Variants in DOC2B observed in about 807,000 individuals in gnomAD.
DOC2B encodes the protein double C2-like domain-containing protein beta.
A neutral mutation model predicts 28.9 loss-of-function variants in DOC2B; 21 were observed. That is an observed-to-expected ratio of 0.73 (90% CI 0.52 to 1.05). The LOEUF is 1.05. Among genes scored for constraint, DOC2B ranks in the 50% least tolerant of loss-of-function variants. The probability of loss-of-function intolerance (pLI) is 0.00; values close to 1 mark genes in which losing one functional copy is unlikely to be tolerated. For synonymous variants in DOC2B, 194 were observed against 178.1 expected, an observed-to-expected ratio of 1.09 and a Z score of -0.71; for missense variants, 384 against 421.1, an observed-to-expected ratio of 0.91 and a Z score of 0.77.
chr17:161,960 T>C, intron 4 of DOC2B, 121 bp downstream of exon 4: 1 of 713,288 alleles, frequency 1.4e-6, no homozygotes, highest in Non-Finnish European at 2.4e-6. Context: ...CAAGCTGGAG[T>C]TGCTGGCATG....
intron 2 of DOC2B, among the ~76,000 whole-genome samples, chr17:170,670 G>C (rs2040302006): frequency 6.6e-6 from 1 of 152,184 alleles, no homozygotes; most frequent in South Asian, 2.1e-4. Context: ...TCCTCCCACA[G>C]GGAGCAATGG....
chr17:158,040 T>C (rs1235512535), intron 5 of DOC2B, among the ~76,000 whole-genome samples: 1 of 152,178 alleles, frequency 6.6e-6, no homozygotes, highest in Non-Finnish European at 1.5e-5. Context: ...GACAGAGTTC[T>C]GGTACATTCC....
chr17:176,512 A>C (rs967227466), intron 1 of DOC2B, among the ~76,000 whole-genome samples: 1 of 152,030 alleles, frequency 6.6e-6, no homozygotes, highest in Non-Finnish European at 1.5e-5. Flanking sequence ...CACACGGGCC[A>C]CTCTGCCCTG....
chr17:159,228 T>C (rs2040171578), intron 5 of DOC2B, among the ~76,000 whole-genome samples: 1 of 152,080 alleles, frequency 6.6e-6, no homozygotes. Flanking sequence ...CAGGGGCTCA[T>C]GCCTGTAATC....
chr17:145,313 A>C lies in DOC2B; in HGVS notation c.*2128T>G, dbSNP rs2040011161. 1 of 152,380 alleles carries C rather than the reference A, an allele frequency of 6.6e-6. No individual in the cohort carries two copies. The highest frequency in any genetic ancestry group is 2.1e-4 in the South Asian group (1 of 4,820). 9.4% of individuals were successfully genotyped at this position (152,380 alleles called of 1,614,324 possible). A position where few individuals can be genotyped will look rare whatever the true frequency, so the allele number is the denominator to read the frequency against. Reference sequence around the variant, plus strand: ...GAAGGGACTGGGGGTACCGACCCCCAGAGAGAGAAAGCGGCAGTCAGAGGA... The same window carrying C: ...GAAGGGACTGGGGGTACCGACCCCCCGAGAGAGAAAGCGGCAGTCAGAGGA... On this transcript the variant is annotated 3_prime_UTR_variant, in exon 9 of 9. Coordinates refer to ENST00000613549, the MANE Select transcript of DOC2B (RefSeq NM_003585.5).
intron 1 of DOC2B, among the ~76,000 whole-genome samples, chr17:174,650 G>T (rs1370057352): frequency 6.6e-6 from 1 of 152,194 alleles, no homozygotes; most frequent in Non-Finnish European, 1.5e-5. Context: ...GAGGGTCCCG[G>T]GTGGCCCTCT....
At chr17:180,815 AG>A (rs2040432096) in intron 1 of DOC2B, among the ~76,000 whole-genome samples, 1 of 151,690 alleles carries the variant, frequency 6.6e-6, no homozygotes, top group Non-Finnish European at 1.5e-5. Flanking sequence ...GCTGGCAGGG[AG>A]GGGGCGCGGC....
Position 148,319 on chromosome 17 carries a change from G to A in DOC2B, c.1006-50C>T, listed in dbSNP as rs955882357. On this transcript the variant is annotated intron_variant, in intron 7 of 8. Coordinates refer to ENST00000613549, the MANE Select transcript of DOC2B (RefSeq NM_003585.5). The stretch of plus-strand genomic sequence containing the variant: ...GGCTGATGCCTGGGCCTGGGCCTCC[G>A]CCGGGGGCCAGGAGGGGTATGAGGT... 1.8e-5 allele frequency: 7 copies of A among 398,536 alleles called. No homozygotes were observed. In the East Asian group the frequency reaches 1.8e-4, roughly 10 times the overall value. The allele number at this position is 398,536 out of a possible 1,614,324, so 24.7% of individuals were successfully genotyped here.
chr17:173,460 G>C (rs901881886), intron 1 of DOC2B, among the ~76,000 whole-genome samples: 1 of 152,210 alleles, frequency 6.6e-6, no homozygotes, highest in Admixed American at 6.5e-5. Context: ...CTGCTCCCAG[G>C]CTGCAGGGCT....
At chr17:163,928 G>T (rs562872131) in intron 3 of DOC2B, among the ~76,000 whole-genome samples, 10 of 152,230 alleles carry the variant, frequency 6.6e-5, no homozygotes, top group Non-Finnish European at 1.5e-4. Context: ...AGGCAACAGG[G>T]TGTGGGGCAG....
In DOC2B at chr17:149,436, G is replaced by A. The variant is rs2040049101; in HGVS notation, c.924-244C>T. Among the ~76,000 whole-genome samples, 5 of 152,226 alleles carry A rather than the reference G, an allele frequency of 3.3e-5. 1 individual carries two copies. The East Asian group carries it at 7.7e-4, about 24-fold the overall frequency. ...CACACATTCCTGAAGTTAACCCTGG[G>A]GGGCGCCCTCCATCCCCCTAGGAAA... On this transcript the variant is annotated intron_variant, in intron 6 of 8. Coordinates refer to ENST00000613549, the MANE Select transcript of DOC2B (RefSeq NM_003585.5).
At chr17:174,881 G>C (rs1052644743) in intron 1 of DOC2B, among the ~76,000 whole-genome samples, 3 of 152,218 alleles carry the variant, frequency 2.0e-5, no homozygotes, top group Non-Finnish European at 4.4e-5. Flanking sequence ...CAGTTTGGGA[G>C]GCCGAAGCAG....
Position 143,832 on chromosome 17 carries a change from T to C in DOC2B, c.*3609A>G, listed in dbSNP as rs2040000204. The C allele has an allele frequency of 6.6e-6, 1 of 152,088 alleles. No homozygotes were observed. The highest frequency in any genetic ancestry group is 2.1e-4 in the South Asian group (1 of 4,816). 9.4% of individuals were successfully genotyped at this position (152,088 alleles called of 1,614,324 possible). A position where few individuals can be genotyped will look rare whatever the true frequency, so the allele number is the denominator to read the frequency against. ...GGGACTGCAGTTTGAGGACAGTGTC[T>C]GCAGCCGTCACATGGCAGCAAAACG... On this transcript the variant is annotated 3_prime_UTR_variant, in exon 9 of 9. Coordinates refer to ENST00000613549, the MANE Select transcript of DOC2B (RefSeq NM_003585.5).
At position 143,013 on chromosome 17, in the gene DOC2B, G is replaced by C. The variant is rs1189958574; in HGVS notation, c.*4428C>G. On this transcript the variant is annotated 3_prime_UTR_variant, in exon 9 of 9. Coordinates refer to ENST00000613549, the MANE Select transcript of DOC2B (RefSeq NM_003585.5). Reference sequence around the variant, plus strand: ...CATGTCTTAAATTACCTTCCAAAACGTAAGACTCTTGGAGCCTCAGACGGG... The same window carrying C: ...CATGTCTTAAATTACCTTCCAAAACCTAAGACTCTTGGAGCCTCAGACGGG... 1 of 151,990 alleles carries C rather than the reference G, an allele frequency of 6.6e-6. No homozygotes were observed. Among genetic ancestry groups the C allele is most frequent in the East Asian group, 1.9e-4 (1 of 5,194 alleles). The allele number at this position is 151,990 out of a possible 1,614,324, so 9.4% of individuals were successfully genotyped here. A position where few individuals can be genotyped will look rare whatever the true frequency, so the allele number is the denominator to read the frequency against.
chr17:144,463 T>C lies in DOC2B; in HGVS notation c.*2978A>G, dbSNP rs1487272390. 4 of 152,262 alleles carry C rather than the reference T, an allele frequency of 2.6e-5. No individual in the cohort carries two copies. Among genetic ancestry groups the C allele is most frequent in the African/African-American group, 9.6e-5 (4 of 41,462 alleles). 9.4% of individuals were successfully genotyped at this position (152,262 alleles called of 1,614,324 possible). ...TTAGTAGAGATGGGGTTTCGCCCTG[T>C]TGGCCAGGCGGGTTTCGAACTCCTG... On this transcript the variant is annotated 3_prime_UTR_variant, in exon 9 of 9. Transcript: ENST00000613549.
chr17:147,961 A>G (rs1003705807), intron 8 of DOC2B, among the ~76,000 whole-genome samples: 27 of 152,236 alleles, frequency 1.8e-4, no homozygotes, highest in African/African-American at 6.3e-4. Context: ...GTGCTCCACC[A>G]CAGAGTGCTG....
chr17:162,343 A>G (rs2040215256), intron 3 of DOC2B, among the ~76,000 whole-genome samples, 153 bp from the exon 4 acceptor site: 1 of 152,152 alleles, frequency 6.6e-6, no homozygotes, highest in Admixed American at 6.5e-5. Flanking sequence ...TAGGGTTGGT[A>G]ATGAGCTGAC....
rs2040025982 is a variant in DOC2B at position 147,234 on chromosome 17, C to T, written c.*207G>A. ...TCTTGGGCCCCAGAGAGCTGAGAGCCCCCCACCCCAGCTCCTTGCCCTCCC... is the reference window on the plus strand; with the variant it reads ...TCTTGGGCCCCAGAGAGCTGAGAGCTCCCCACCCCAGCTCCTTGCCCTCCC... On this transcript the variant is annotated 3_prime_UTR_variant, in exon 9 of 9. Transcript: ENST00000613549. The T allele has an allele frequency of 2.5e-6, 1 of 393,228 alleles. No individual in the cohort carries two copies. Among genetic ancestry groups the T allele is most frequent in the Non-Finnish European group, 4.5e-6 (1 of 223,078 alleles). 24.4% of individuals were successfully genotyped at this position (393,228 alleles called of 1,614,324 possible). A position where few individuals can be genotyped will look rare whatever the true frequency, so the allele number is the denominator to read the frequency against.
At chr17:173,381 G>A (rs991072904) in intron 1 of DOC2B, among the ~76,000 whole-genome samples, 1 of 152,168 alleles carries the variant, frequency 6.6e-6, no homozygotes, top group Non-Finnish European at 1.5e-5. Flanking sequence ...TGATGGTGGG[G>A]GGCAGAGCTT....
Sources: gnomAD v4.1 joint callset for allele counts (sites outside exome capture counted in the v4.1 genomes callset) on GRCh38, gnomAD v4.1.1 for gene constraint, MANE v1.5 for transcripts, NCBI Gene and HGNC (gene_info 2026-07-23, HGNC 2026-07-21) for gene names.